CSMD1: variants seen among roughly 807,000 people sequenced by gnomAD.
The protein encoded by CSMD1 is CUB and sushi domain-containing protein 1.
In CSMD1, 213 loss-of-function variants were observed where a neutral mutation model predicts 417.5. That is an observed-to-expected ratio of 0.51 (90% CI 0.46 to 0.57). The LOEUF is 0.57. CSMD1 is among the 20% of genes least tolerant of loss of function. The pLI, the probability that CSMD1 is intolerant of heterozygous loss-of-function variation, is 0.00. For synonymous variants in CSMD1, 2,862 were observed against 1,736.8 expected (o/e 1.65, Z -16.11); for missense variants, 6,923 against 4,529.7 (o/e 1.53, Z -15.17).
intron 2 of CSMD1, among the ~76,000 whole-genome samples, chr8:4,514,679 T>C (rs1024771516): frequency 3.0e-4 from 46 of 152,168 alleles, no homozygotes; most frequent in African/African-American, 1.1e-3. Flanking sequence ...ACTACATAAA[T>C]AGAGTACCTG....
chr8:4,895,636 G>A (rs189222071), intron 1 of CSMD1, among the ~76,000 whole-genome samples: 1 of 151,534 alleles, frequency 6.6e-6, no homozygotes, highest in African/African-American at 2.4e-5. Context: ...CTCTGATGTT[G>A]TGGTTGGTCT....
chr8:3,151,473 G>A lies in CSMD1; in HGVS notation c.5955C>T (p.Ile1985=). The A allele has an allele frequency of 6.2e-7, 1 of 1,613,746 alleles. No homozygotes were observed. Among genetic ancestry groups the A allele is most frequent in the Non-Finnish European group, 8.5e-7 (1 of 1,179,864 alleles). ...GGTLSTLGGV[I]LSPGFPGSYP... ...AAGAACCTGGGAAGCCGGGGCTCAGGATCACACCACCCAAGGTGCTCAGCG... is the reference window on the plus strand; with the variant it reads ...AAGAACCTGGGAAGCCGGGGCTCAGAATCACACCACCCAAGGTGCTCAGCG... Residue 1985 remains isoleucine (I), a synonymous_variant, in exon 40 of 70, where the codon ATC becomes ATT. Transcript: ENST00000635120.
intron 3 of CSMD1, among the ~76,000 whole-genome samples, chr8:4,233,267 T>C (rs1203654830): frequency 6.6e-6 from 1 of 152,250 alleles, no homozygotes; most frequent in African/African-American, 2.4e-5. Context: ...AGCTTCTTTG[T>C]ATGCAGAAGT....
intron 3 of CSMD1, among the ~76,000 whole-genome samples, chr8:4,309,579 C>T (rs1798445524): frequency 6.6e-6 from 1 of 152,120 alleles, no homozygotes; most frequent in Admixed American, 6.6e-5. Flanking sequence ...ACTCTCAGTT[C>T]ATATGAAATT....
At chr8:4,591,525 G>A (rs923529084) in intron 2 of CSMD1, among the ~76,000 whole-genome samples, 1 of 152,174 alleles carries the variant, frequency 6.6e-6, no homozygotes, top group African/African-American at 2.4e-5. Flanking sequence ...GGTATAGCGT[G>A]ATTACAGAGT....
intron 2 of CSMD1, among the ~76,000 whole-genome samples, chr8:4,475,033 A>G (rs913481074): frequency 2.6e-5 from 4 of 152,110 alleles, no homozygotes; most frequent in Non-Finnish European, 1.5e-5. Context: ...TTCAATGCAT[A>G]AGGGGTCAGT....
intron 3 of CSMD1, among the ~76,000 whole-genome samples, chr8:4,333,738 G>T (rs1466387300): frequency 6.6e-6 from 1 of 152,112 alleles, no homozygotes; most frequent in Non-Finnish European, 1.5e-5. Flanking sequence ...CAGATTCCAA[G>T]ATCTAGTCCG....
intron 10 of CSMD1, among the ~76,000 whole-genome samples, chr8:3,530,151 G>C (rs1007739145): frequency 6.6e-6 from 1 of 151,988 alleles, no homozygotes; most frequent in African/African-American, 2.4e-5. Context: ...TTTCTCTGTT[G>C]TTTTCTCTAT....
At chr8:4,562,114 A>G (rs188267667) in intron 2 of CSMD1, among the ~76,000 whole-genome samples, 2 of 152,352 alleles carry the variant, frequency 1.3e-5, no homozygotes, top group South Asian at 4.1e-4. Flanking sequence ...AGGAGGGAAG[A>G]GTGTAGGAAA....
At chr8:3,432,930 A>AAGAAC (rs1300217621) in intron 12 of CSMD1, among the ~76,000 whole-genome samples, 1 of 152,220 alleles carries the variant, frequency 6.6e-6, no homozygotes, top group East Asian at 1.9e-4. Flanking sequence ...CTAATCATTG[A>AAGAAC]AGAACATACC....
At chr8:3,464,112 TC>T (rs1274254300) in intron 12 of CSMD1, among the ~76,000 whole-genome samples, 1 of 152,158 alleles carries the variant, frequency 6.6e-6, no homozygotes, top group African/African-American at 2.4e-5. Context: ...TTCCTTTAAT[TC>T]ACCCCCTGCT....
chr8:4,049,315 C>T (rs1173935370), intron 3 of CSMD1, among the ~76,000 whole-genome samples: 1 of 151,936 alleles, frequency 6.6e-6, no homozygotes, highest in Non-Finnish European at 1.5e-5. Context: ...TGCAACATCT[C>T]TGGCCTCTAT....
chr8:3,967,952 G>A (rs1248583834), intron 5 of CSMD1, among the ~76,000 whole-genome samples: 1 of 147,890 alleles, frequency 6.8e-6, no homozygotes, highest in African/African-American at 2.5e-5. Flanking sequence ...CGGATCACGA[G>A]GTCAGGAGAT....
chr8:3,487,412 A>G (rs1033453078), intron 11 of CSMD1, among the ~76,000 whole-genome samples: 3 of 152,114 alleles, frequency 2.0e-5, no homozygotes, highest in Admixed American at 6.5e-5. Flanking sequence ...CATGTTAGCC[A>G]GGATGGTCTC....
intron 6 of CSMD1, among the ~76,000 whole-genome samples, chr8:3,729,710 C>T (rs17326852): frequency 0.099 from 15,089 of 151,916 alleles, 820 homozygotes; most frequent in Middle Eastern, 0.13. Flanking sequence ...TGCTAAGTCC[C>T]TATCACTTCC....
chr8:4,262,780 A>C (rs781481407), intron 3 of CSMD1, among the ~76,000 whole-genome samples: 19 of 152,180 alleles, frequency 1.2e-4, no homozygotes, highest in Non-Finnish European at 1.9e-4. Context: ...TATGGAGAGG[A>C]AGGAAGTATG....
intron 39 of CSMD1, among the ~76,000 whole-genome samples, chr8:3,154,789 A>G (rs1373000631): frequency 3.3e-5 from 5 of 152,216 alleles, no homozygotes; most frequent in Admixed American, 1.3e-4. Context: ...GTGGTTTTAT[A>G]TACATTCTCT....
chr8:4,680,978 G>GAT (rs1563130451), intron 1 of CSMD1, among the ~76,000 whole-genome samples: 1 of 146,146 alleles, frequency 6.8e-6, no homozygotes, highest in Non-Finnish European at 1.5e-5. Context: ...GTGTGTGTGA[G>GAT]AGAGAGAGAG....
chr8:3,080,930 C>T (rs1177508372), intron 49 of CSMD1, among the ~76,000 whole-genome samples: 1 of 151,346 alleles, frequency 6.6e-6, no homozygotes, highest in Non-Finnish European at 1.5e-5. Flanking sequence ...TCTACAATGT[C>T]ATTGGCAAAA....
Sources: gnomAD v4.1 joint callset for allele counts (sites outside exome capture counted in the v4.1 genomes callset) on GRCh38, gnomAD v4.1.1 for gene constraint, MANE v1.5 for transcripts, NCBI Gene and HGNC (gene_info 2026-07-23, HGNC 2026-07-21) for gene names.